The following MAST4 variants were observed in gnomAD, a reference collection of about 807,000 sequenced individuals.
MAST4 encodes microtubule-associated serine/threonine-protein kinase 4.
In MAST4, 89 loss-of-function variants were observed where a neutral mutation model predicts 162.7. That is an observed-to-expected ratio of 0.55 (90% confidence interval 0.46 to 0.65). The LOEUF (loss-of-function observed/expected upper bound fraction) is 0.65, where lower values mean the gene tolerates loss of function less well. Ranked by LOEUF, MAST4 falls within the 30% of genes least tolerant of loss-of-function variation. The pLI, the probability that MAST4 is intolerant of heterozygous loss-of-function variation, is 0.00. For missense variants in MAST4, 3,153 were observed against 3,374.0 expected, an observed-to-expected ratio of 0.93 and a Z score of 1.62; for synonymous variants, 1,479 against 1,361.1, an observed-to-expected ratio of 1.09 and a Z score of -1.91.
intron 1 of MAST4, among the ~76,000 whole-genome samples, chr5:66,675,409 C>G (rs1264733374): frequency 1.3e-5 from 2 of 152,116 alleles, no homozygotes; most frequent in Non-Finnish European, 2.9e-5. Flanking sequence ...TAATGATGAG[C>G]CATTCATATC....
chr5:66,754,572 A>G (rs1397968167), intron 1 of MAST4, among the ~76,000 whole-genome samples: 2 of 152,210 alleles, frequency 1.3e-5, no homozygotes, highest in African/African-American at 4.8e-5. Flanking sequence ...TTTAAAGTAC[A>G]TATCAGAGAT....
intron 1 of MAST4, among the ~76,000 whole-genome samples, chr5:66,744,351 A>C (rs546415932): frequency 2.0e-5 from 3 of 152,198 alleles, no homozygotes; most frequent in Non-Finnish European, 4.4e-5. Flanking sequence ...TCCACTGTAG[A>C]GTTCCTCAAA....
chr5:66,786,456 T>C (rs1219177179), intron 2 of MAST4, among the ~76,000 whole-genome samples: 5 of 151,960 alleles, frequency 3.3e-5, no homozygotes, highest in African/African-American at 9.7e-5. Flanking sequence ...TACAAATAAA[T>C]AAATACAAAT....
At chr5:67,072,304 G>A (rs560447619) in intron 5 of MAST4, among the ~76,000 whole-genome samples, 34 of 152,258 alleles carry the variant, frequency 2.2e-4, no homozygotes, top group Non-Finnish European at 3.4e-4. Flanking sequence ...TCATAGCAGC[G>A]TGTCAAATGT....
At chr5:66,925,335 A>G (rs576942653) in intron 4 of MAST4, among the ~76,000 whole-genome samples, 2 of 152,300 alleles carry the variant, frequency 1.3e-5, no homozygotes, top group East Asian at 3.9e-4. Context: ...CATTTTATGA[A>G]ATTTCAAAAG....
chr5:66,922,191 C>T (rs1272801613), intron 4 of MAST4, among the ~76,000 whole-genome samples: 3 of 152,134 alleles, frequency 2.0e-5, no homozygotes, highest in South Asian at 2.1e-4. Flanking sequence ...TTTCTGGGCT[C>T]GCTGTGGAAA....
intron 3 of MAST4, among the ~76,000 whole-genome samples, chr5:66,861,546 G>A (rs149213606): frequency 2.4e-4 from 36 of 152,344 alleles, no homozygotes; most frequent in African/African-American, 8.4e-4. Flanking sequence ...GATAGAGAGT[G>A]CCTTCCACAC....
intron 3 of MAST4, among the ~76,000 whole-genome samples, chr5:66,837,052 G>GTGTGTGTGTGTGTGTGTGTA (rs1310826490): frequency 6.6e-6 from 1 of 151,914 alleles, no homozygotes; most frequent in African/African-American, 2.4e-5. Flanking sequence ...GTGTGTGTGT[G>GTGTGTGTGTGTGTGTGTGTA]TATGTATACT....
intron 3 of MAST4, among the ~76,000 whole-genome samples, chr5:66,874,593 C>T (rs1461593225): frequency 6.6e-6 from 1 of 152,124 alleles, no homozygotes; most frequent in Non-Finnish European, 1.5e-5. Context: ...AACAGTCTAC[C>T]CTTCTTTAAA....
intron 4 of MAST4, among the ~76,000 whole-genome samples, chr5:66,962,434 A>G (rs1746131780): frequency 6.6e-6 from 1 of 152,210 alleles, no homozygotes; most frequent in Admixed American, 6.5e-5. Flanking sequence ...AAAGGCAGCC[A>G]TGGTGGCTTA....
At chr5:66,817,977 C>A (rs914314642) in intron 3 of MAST4, among the ~76,000 whole-genome samples, 1 of 152,106 alleles carries the variant, frequency 6.6e-6, no homozygotes, top group Non-Finnish European at 1.5e-5. Context: ...ACTTCTTAAA[C>A]GTCTACTGTC....
At chr5:66,986,120 C>T (rs190768677) in intron 4 of MAST4, among the ~76,000 whole-genome samples, 1 of 152,264 alleles carries the variant, frequency 6.6e-6, no homozygotes, top group East Asian at 1.9e-4. Context: ...TGTCTAATTC[C>T]ATTTCACCAG....
chr5:67,007,429 G>A (rs1752172743), intron 4 of MAST4, among the ~76,000 whole-genome samples: 1 of 152,222 alleles, frequency 6.6e-6, no homozygotes. Flanking sequence ...TAACCCTTGA[G>A]ATATCTCTCA....
intron 1 of MAST4, among the ~76,000 whole-genome samples, chr5:66,696,953 G>C (rs556033284): frequency 6.6e-6 from 1 of 152,284 alleles, no homozygotes; most frequent in South Asian, 2.1e-4. Flanking sequence ...ACCCTTGAGA[G>C]TACTTTTAAA....
intron 5 of MAST4, among the ~76,000 whole-genome samples, chr5:67,067,922 G>A (rs1427868445): frequency 6.6e-6 from 1 of 151,988 alleles, no homozygotes; most frequent in Non-Finnish European, 1.5e-5. Flanking sequence ...CTGAAGAATC[G>A]GTGTACACAC....
At chr5:66,852,826 C>A (rs879374203) in intron 3 of MAST4, among the ~76,000 whole-genome samples, 6 of 152,214 alleles carry the variant, frequency 3.9e-5, no homozygotes, top group African/African-American at 7.2e-5. Context: ...AAACTATCTT[C>A]CCTCCCTAAA....
At chr5:66,880,173 T>C (rs1433462816) in intron 3 of MAST4, among the ~76,000 whole-genome samples, 3 of 152,202 alleles carry the variant, frequency 2.0e-5, no homozygotes, top group African/African-American at 4.8e-5. Context: ...AAGGGCCAAA[T>C]AGTAGGCTTA....
At chr5:66,985,924 C>G (rs1243402832) in intron 4 of MAST4, among the ~76,000 whole-genome samples, 3 of 152,158 alleles carry the variant, frequency 2.0e-5, no homozygotes, top group African/African-American at 4.8e-5. Flanking sequence ...AGACTCAAGT[C>G]ATCTACATGT....
In MAST4 at chr5:67,100,601, G is replaced by A. The variant is rs779743940; in HGVS notation, c.1070+9G>A. The A allele has an allele frequency of 5.0e-6, 8 of 1,613,722 alleles. No homozygotes were observed. The highest frequency in any genetic ancestry group is 1.1e-5 in the South Asian group (1 of 91,052). ...CGTTCCCGAAGTCTGAGGTGTGTGG[G>A]CCTGGCTGAAAACCATTACTTAGTT... On this transcript the variant is annotated intron_variant, in intron 8 of 28. Transcript: ENST00000403625.
Sources: allele counts gnomAD v4.1 joint callset (sites outside exome capture counted in the v4.1 genomes callset), GRCh38; gene constraint gnomAD v4.1.1; transcripts MANE v1.5; gene names NCBI Gene and HGNC (gene_info 2026-07-23, HGNC 2026-07-21).